Variants in ISM1 observed in about 807,000 individuals in gnomAD.
ISM1 encodes isthmin-1.
Under a neutral mutation model 46.3 loss-of-function variants are expected in ISM1, and 25 were observed. The observed-to-expected ratio is 0.54, with a 90% CI of 0.39 to 0.75. The LOEUF is 0.75. ISM1 is among the 30% of genes least tolerant of loss of function. ISM1 has a pLI of 0.00. For synonymous variants in ISM1, 255 were observed against 256.7 expected, an observed-to-expected ratio of 0.99 and a Z score of 0.06; for missense variants, 536 against 625.4, an observed-to-expected ratio of 0.86 and a Z score of 1.52.
chr20:13,277,311 G>C (rs2040190226), intron 2 of ISM1, among the ~76,000 whole-genome samples: 1 of 152,176 alleles, frequency 6.6e-6, no homozygotes, highest in African/African-American at 2.4e-5. Flanking sequence ...CTCCTACCCA[G>C]AGACTGATTT....
chr20:13,305,130 C>T (rs1172826493), downstream of ISM1, among the ~76,000 whole-genome samples: 2 of 149,782 alleles, frequency 1.3e-5, no homozygotes, highest in African/African-American at 5.0e-5. Context: ...GATAAATCTA[C>T]CAAAGAAGAG....
chr20:13,253,818 T>G (rs563406028), intron 1 of ISM1, among the ~76,000 whole-genome samples: 71 of 151,574 alleles, frequency 4.7e-4, no homozygotes, highest in African/African-American at 1.7e-3. Context: ...ATCTTAAAAT[T>G]TAAAAAAAAG....
At chr20:13,314,096 A>G in the ISM1 span, among the ~76,000 whole-genome samples, 1 of 152,208 alleles carries the variant, frequency 6.6e-6, no homozygotes, top group Non-Finnish European at 1.5e-5. Flanking sequence ...CAAAGAGAAA[A>G]AAAGACTGAA....
intron 1 of ISM1, among the ~76,000 whole-genome samples, chr20:13,263,323 T>C (rs1283582058): frequency 1.3e-5 from 2 of 151,964 alleles, no homozygotes; most frequent in Non-Finnish European, 2.9e-5. Context: ...TCAGAATAAG[T>C]CCCAACAAGC....
intron 2 of ISM1, among the ~76,000 whole-genome samples, chr20:13,273,743 C>T (rs1450744994): frequency 6.6e-6 from 1 of 152,212 alleles, no homozygotes. Context: ...AGCCTAGCTA[C>T]TGTCAAAGTC....
At chr20:13,247,557 T>TAG (rs1056912861) in intron 1 of ISM1, among the ~76,000 whole-genome samples, 13 of 147,032 alleles carry the variant, frequency 8.8e-5, no homozygotes, top group Non-Finnish European at 1.5e-4. Flanking sequence ...TGTGTGTGTG[T>TAG]GTAGGTAGGT....
intron 1 of ISM1, among the ~76,000 whole-genome samples, chr20:13,234,969 G>C (rs1327001387): frequency 6.6e-6 from 1 of 152,190 alleles, no homozygotes; most frequent in Non-Finnish European, 1.5e-5. Flanking sequence ...CATGGTTTGA[G>C]AAACACTGGT....
the ISM1 span, among the ~76,000 whole-genome samples, chr20:13,317,851 CAT>C: frequency 6.6e-6 from 1 of 151,874 alleles, no homozygotes; most frequent in East Asian, 1.9e-4. Context: ...TAGAAGATAA[CAT>C]AGGAGAAAAT....
the ISM1 span, among the ~76,000 whole-genome samples, chr20:13,320,157 CCTG>C: frequency 6.6e-6 from 1 of 152,158 alleles, no homozygotes; most frequent in Non-Finnish European, 1.5e-5. Flanking sequence ...AAGCAATAAC[CCTG>C]CTGAGGGGCT....
At chr20:13,307,398 C>T in the ISM1 span, among the ~76,000 whole-genome samples, 1 of 152,044 alleles carries the variant, frequency 6.6e-6, no homozygotes, top group Non-Finnish European at 1.5e-5. Context: ...ATACCAACAC[C>T]AAGAAAAAAC....
chr20:13,299,119 G>C lies in ISM1; in HGVS notation c.1055G>C (p.Ser352Thr). Residue 352 changes from serine to threonine, a missense_variant, in exon 6 of 6, where the codon AGC (serine) becomes ACC (threonine). Physicochemically the swap from Ser to Thr is moderately conservative, Grantham distance 58. This residue lies in a region of ISM1 where 169 missense variants were observed against 249.3 expected (regional missense o/e 0.68). Transcript: ENST00000262487. The surrounding 1 kb of genome is among the most constrained non-coding windows in gnomAD (Gnocchi z 5.8). ...KRKDFRWKDA[S>T]GPKEKLEIYK... Reference sequence around the variant, plus strand: ...AAGGACTTCCGCTGGAAGGACGCCAGCGGGCCCAAGGAGAAGCTGGAGATC... The same window carrying C: ...AAGGACTTCCGCTGGAAGGACGCCACCGGGCCCAAGGAGAAGCTGGAGATC... 6.2e-7 allele frequency: 1 copy of C among 1,613,322 alleles called. No individual in the cohort carries two copies. The highest frequency in any genetic ancestry group is 8.5e-7 in the Non-Finnish European group (1 of 1,179,704).
At chr20:13,323,899 T>A in the ISM1 span, among the ~76,000 whole-genome samples, 1 of 152,212 alleles carries the variant, frequency 6.6e-6, no homozygotes, top group Non-Finnish European at 1.5e-5. Flanking sequence ...ACCAAAAAAA[T>A]TGTTAATAGC....
chr20:13,261,228 A>G (rs1044312971), intron 1 of ISM1, among the ~76,000 whole-genome samples: 4 of 152,138 alleles, frequency 2.6e-5, no homozygotes, highest in Non-Finnish European at 4.4e-5. Flanking sequence ...AGCCTGGCCA[A>G]CATAGTAAAA....
intron 1 of ISM1, among the ~76,000 whole-genome samples, chr20:13,223,934 C>T (rs1033948746): frequency 1.3e-5 from 2 of 152,052 alleles, no homozygotes; most frequent in Admixed American, 6.6e-5. Flanking sequence ...TAGAATAACC[C>T]GGGGTTGGCC....
At position 13,270,616 on chromosome 20, in the gene ISM1, C is replaced by A. The variant is rs746769306; in HGVS notation, c.251C>A (p.Pro84Gln). 1.2e-6 allele frequency: 2 copies of A among 1,613,816 alleles called. No individual in the cohort carries two copies. The highest frequency in any genetic ancestry group is 2.7e-5 in the African/African-American group (2 of 74,898). The change falls in exon 2 of 6, where the codon CCG (proline) becomes CAG (glutamine). Residue 84 changes from proline to glutamine, a missense_variant. This residue lies in a region of ISM1 where 367 missense variants were observed against 376.1 expected (regional missense o/e 0.98). Transcript: ENST00000262487. ...GCTGCACACCAACCCTTCCCCAGACCGCGATTCCGACAAGAGACGGGGCAC... is the reference window on the plus strand; with the variant it reads ...GCTGCACACCAACCCTTCCCCAGACAGCGATTCCGACAAGAGACGGGGCAC... ...HQAAHQPFPR[P>Q]RFRQETGHPS...
At chr20:13,224,908 CG>C (rs568924976) in intron 1 of ISM1, among the ~76,000 whole-genome samples, 1 of 144,376 alleles carries the variant, frequency 6.9e-6, no homozygotes, top group African/African-American at 2.6e-5. Flanking sequence ...TGCAGTGGCG[CG>C]ATCTCTGCTC....
At chr20:13,240,360 G>A (rs992608449) in intron 1 of ISM1, among the ~76,000 whole-genome samples, 6 of 152,190 alleles carry the variant, frequency 3.9e-5, no homozygotes, top group African/African-American at 1.4e-4. Flanking sequence ...CTAAAAGAGG[G>A]TGGTCAAGGA....
Position 13,221,746 on chromosome 20 carries a change from G to T in ISM1, c.-31G>T. The T allele has an allele frequency of 7.3e-7, 1 of 1,368,244 alleles. No individual in the cohort carries two copies. Among genetic ancestry groups the T allele is most frequent in the South Asian group, 1.7e-5 (1 of 58,134 alleles). The allele number at this position is 1,368,244 out of a possible 1,614,324, so 84.8% of individuals were successfully genotyped here. On this transcript the variant is annotated 5_prime_UTR_variant, in exon 1 of 6. Coordinates refer to ENST00000262487, the MANE Select transcript of ISM1 (RefSeq NM_080826.2). Reference sequence around the variant, plus strand: ...CACCGCCGCCGCCGCCGGCCGCCGCGCCGGGTCCTAAAGCCGCGCGTCTCA... The same window carrying T: ...CACCGCCGCCGCCGCCGGCCGCCGCTCCGGGTCCTAAAGCCGCGCGTCTCA...
chr20:13,288,708 C>G (rs1388701334), intron 4 of ISM1, 25 bp downstream of exon 4: 1 of 1,595,302 alleles, frequency 6.3e-7, no homozygotes. Context: ...GTGTGTAGCT[C>G]CAAGTTCAAG....
Sources: allele counts gnomAD v4.1 joint callset (sites outside exome capture counted in the v4.1 genomes callset), GRCh38; gene constraint gnomAD v4.1.1; regional missense constraint gnomAD v4.1.1; non-coding constraint Gnocchi (gnomAD v3.1); transcripts MANE v1.5; gene names NCBI Gene and HGNC (gene_info 2026-07-23, HGNC 2026-07-21).